The following PLPP7 variants were observed in gnomAD, a reference collection of about 807,000 sequenced individuals.
PLPP7 encodes the protein inactive phospholipid phosphatase 7.
A neutral mutation model predicts 16.9 loss-of-function variants in PLPP7; 11 were observed. The observed-to-expected ratio is 0.65, with a 90% confidence interval of 0.41 to 1.08. PLPP7 has a LOEUF of 1.08. Among genes scored for constraint, PLPP7 ranks in the 50% least tolerant of loss-of-function variants. The pLI is 0.00. For missense variants in PLPP7, 358 were observed against 397.1 expected, an observed-to-expected ratio of 0.90 and a Z score of 0.84; for synonymous variants, 174 against 175.1, an observed-to-expected ratio of 0.99 and a Z score of 0.05.
At chr9:131,304,515 G>A (rs1835832669) in intron 1 of PLPP7, among the ~76,000 whole-genome samples, 1 of 152,154 alleles carries the variant, frequency 6.6e-6, no homozygotes, top group African/African-American at 2.4e-5. Flanking sequence ...GGTACCTGTT[G>A]TCCTGGCTAC....
At chr9:131,307,689 C>T (rs541842610) in intron 1 of PLPP7, among the ~76,000 whole-genome samples, 3 of 151,612 alleles carry the variant, frequency 2.0e-5, no homozygotes, top group South Asian at 2.1e-4. Context: ...TTACAAACAG[C>T]GTGGTCAGGG....
chr9:131,307,008 G>A (rs1835860514), intron 1 of PLPP7, among the ~76,000 whole-genome samples: 1 of 152,124 alleles, frequency 6.6e-6, no homozygotes, highest in Admixed American at 6.6e-5. Flanking sequence ...ACTTGGGGAG[G>A]CTGAGGCGGG....
chr9:131,293,069 G>A (rs1400220727), intron 1 of PLPP7: 1 of 646,004 alleles, frequency 1.5e-6, no homozygotes, highest in Admixed American at 6.3e-5. Flanking sequence ...AGCTGTCGAT[G>A]ACCTTTCAAG....
At chr9:131,307,184 T>C (rs1835862746) in intron 1 of PLPP7, among the ~76,000 whole-genome samples, 1 of 149,658 alleles carries the variant, frequency 6.7e-6, no homozygotes, top group South Asian at 2.1e-4. Flanking sequence ...AGGTGGAGGT[T>C]GCAGTGAGCC....
Position 131,308,179 on chromosome 9 carries a change from CG to C in PLPP7, c.709del (p.Val237SerfsTer128), listed in dbSNP as rs753840604. The C allele has an allele frequency of 6.2e-7, 1 of 1,600,182 alleles. No individual in the cohort carries two copies. Among genetic ancestry groups the C allele is most frequent in the Non-Finnish European group, 8.5e-7 (1 of 1,179,826 alleles). On this transcript the variant is annotated frameshift_variant, in exon 2 of 2. Coordinates refer to ENST00000372264, the MANE Select transcript of PLPP7 (RefSeq NM_032728.4). LOFTEE classifies it high-confidence loss of function. ...LSRVMIGRHH[V>X]TDVLSGFVIG... ...CCCGCGTGATGATCGGCCGCCACCA[CG>C]TCACGGACGTCCTCTCCGGCTTTGT...
At chr9:131,302,881 T>A (rs541631456) in intron 1 of PLPP7, among the ~76,000 whole-genome samples, 8 of 152,270 alleles carry the variant, frequency 5.3e-5, no homozygotes, top group Middle Eastern at 6.8e-3. Context: ...GAGGACTGCG[T>A]GATCTGGAAC....
chr9:131,290,425 A>G lies in PLPP7; in HGVS notation c.428A>G (p.Glu143Gly). The change falls in exon 1 of 2, where the codon GAG (glutamate) becomes GGG (glycine). Residue 143 changes from glutamate to glycine, a missense_variant. Transcript: ENST00000372264. This position sits in a 1 kb window ranked among gnomAD's most constrained non-coding sequence, Gnocchi z 4.2. ...AAGAGCAGCACACTGGCCGGCCAGGAGGTGCTCATGAATCTGCTCCTGGGT... is the reference window on the plus strand; with the variant it reads ...AAGAGCAGCACACTGGCCGGCCAGGGGGTGCTCATGAATCTGCTCCTGGGT... Reference protein sequence around the residue: ...LVKSSTLAGQEVLMNLLLALL... With the variant: ...LVKSSTLAGQGVLMNLLLALL... 1 of 1,541,764 alleles carries G rather than the reference A, an allele frequency of 6.5e-7. No individual in the cohort carries two copies. Among genetic ancestry groups the G allele is most frequent in the Non-Finnish European group, 8.7e-7 (1 of 1,143,334 alleles).
chr9:131,307,274 G>A (rs771096370), intron 1 of PLPP7, among the ~76,000 whole-genome samples: 4 of 149,548 alleles, frequency 2.7e-5, no homozygotes, highest in Admixed American at 6.7e-5. Context: ...AAAAAGGGCC[G>A]GGCGCAGTGG....
At chr9:131,307,753 G>A (rs1054754212) in intron 1 of PLPP7, among the ~76,000 whole-genome samples, 170 bp from the exon 2 acceptor site, 1 of 152,124 alleles carries the variant, frequency 6.6e-6, no homozygotes, top group Non-Finnish European at 1.5e-5. Context: ...TGCCGGGCAG[G>A]GGAGACAGCA....
Position 131,297,299 on chromosome 9 carries a change from G to A in PLPP7, c.451+6851G>A, listed in dbSNP as rs149103573. On this transcript the variant is annotated intron_variant, in intron 1 of 1. Transcript: ENST00000372264. ...GTGCTCAGCAGAGTGAATAACCAGC[G>A]CCATCAGTCTTTCTATTGATGATCC... 2.3e-3 allele frequency among the ~76,000 whole-genome samples: 344 copies of A among 152,264 alleles called. 3 individuals carry two copies. Among genetic ancestry groups the A allele is most frequent in the Non-Finnish European group, 3.7e-3 (249 of 68,022 alleles).
chr9:131,290,261 C>T lies in PLPP7; in HGVS notation c.264C>T (p.Ile88=), dbSNP rs767643653. Residue 88 remains isoleucine (I), a synonymous_variant, in exon 1 of 2, where the codon ATC becomes ATT. Transcript: ENST00000372264. This position sits in a 1 kb window ranked among gnomAD's most constrained non-coding sequence, Gnocchi z 4.2. ...TCGCCTTCAACTCCCTGCTGGCCATCGATATCTGTATGTCCAAGCGGCTGG... is the reference window on the plus strand; with the variant it reads ...TCGCCTTCAACTCCCTGCTGGCCATTGATATCTGTATGTCCAAGCGGCTGG... The part of the protein sequence containing the change: ...KGIAFNSLLA[I]DICMSKRLGV... The T allele has an allele frequency of 2.9e-5, 46 of 1,611,974 alleles. No homozygotes were observed. The highest frequency in any genetic ancestry group is 2.2e-4 in the Admixed American group (13 of 59,922).
Position 131,308,116 on chromosome 9 carries a change from T to C in PLPP7, c.645T>C (p.Arg215=), listed in dbSNP as rs2986606. ...LSHLVLAVPL[R]VLLVLWALCV... ...ACCTGGTGCTGGCGGTGCCCCTGCG[T>C]GTGCTGCTGGTGCTCTGGGCCCTCT... Residue 215 remains arginine (R), a synonymous_variant, in exon 2 of 2, where the codon CGT becomes CGC. Transcript: ENST00000372264. The C allele has an allele frequency of 0.72, 1,158,774 of 1,600,822 alleles. 422,875 individuals are homozygous for C. The highest frequency in any genetic ancestry group is 0.77 in the Middle Eastern group (4,692 of 6,062).
chr9:131,297,616 G>A lies in PLPP7; in HGVS notation c.451+7168G>A, dbSNP rs538322085. 5.7e-4 allele frequency among the ~76,000 whole-genome samples: 86 copies of A among 152,208 alleles called. 1 individual carries two copies. The highest frequency in any genetic ancestry group is 1.7e-3 in the African/African-American group (69 of 41,520). ...GGCCAGGCTGGTCTCGAACTCCTGA[G>A]CTCAAGCTATCCGCCTGCCACCGCC... On this transcript the variant is annotated intron_variant, in intron 1 of 1. Coordinates refer to ENST00000372264, the MANE Select transcript of PLPP7 (RefSeq NM_032728.4).
chr9:131,296,687 C>T (rs568782420), intron 1 of PLPP7, among the ~76,000 whole-genome samples: 54 of 152,296 alleles, frequency 3.5e-4, no homozygotes, highest in African/African-American at 1.1e-3. Context: ...GATTTTTCCC[C>T]GTGCGAATGC....
At chr9:131,302,894 TCTAA>T (rs1835813879) in intron 1 of PLPP7, among the ~76,000 whole-genome samples, 1 of 152,138 alleles carries the variant, frequency 6.6e-6, no homozygotes, top group South Asian at 2.1e-4. Flanking sequence ...TCTGGAACAG[TCTAA>T]CTGCCTGGCA....
chr9:131,306,241 A>C (rs1290167524), intron 1 of PLPP7, among the ~76,000 whole-genome samples: 1 of 149,718 alleles, frequency 6.7e-6, no homozygotes, highest in Non-Finnish European at 1.5e-5. Context: ...TGTCTCAAAA[A>C]AATCAAATAA....
rs1016233060 is a variant in PLPP7 at position 131,307,962 on chromosome 9, A to G, written c.491A>G (p.Lys164Arg). The G allele has an allele frequency of 6.3e-7, 1 of 1,597,896 alleles. No homozygotes were observed. The highest frequency in any genetic ancestry group is 2.2e-5 in the East Asian group (1 of 44,810). ...LDIMTVAGVQKLIKRRGPYET... is the reference protein window; with the variant it reads ...LDIMTVAGVQRLIKRRGPYET... The stretch of plus-strand genomic sequence containing the variant: ...ATCATGACGGTGGCCGGCGTGCAGA[A>G]GCTCATCAAGCGGCGCGGCCCGTAC... Residue 164 changes from lysine (K) to arginine (R), a missense_variant, in exon 2 of 2, where the codon AAG becomes AGG. Coordinates refer to ENST00000372264, the MANE Select transcript of PLPP7 (RefSeq NM_032728.4).
At chr9:131,292,717 G>GGT in intron 1 of PLPP7, 2 of 848,336 alleles carry the variant, frequency 2.4e-6, no homozygotes, top group Non-Finnish European at 2.8e-6. Flanking sequence ...AGCTCCCCGT[G>GGT]GTAGGAGGTA....
chr9:131,304,833 C>T (rs1835836887), intron 1 of PLPP7, among the ~76,000 whole-genome samples: 1 of 152,230 alleles, frequency 6.6e-6, no homozygotes, highest in Admixed American at 6.5e-5. Context: ...CACCTCCCAA[C>T]AGATGCCTCA....
Sources: gnomAD v4.1 joint callset for allele counts (sites outside exome capture counted in the v4.1 genomes callset) on GRCh38, gnomAD v4.1.1 for gene constraint, Gnocchi (gnomAD v3.1) non-coding constraint, MANE v1.5 for transcripts, NCBI Gene and HGNC (gene_info 2026-07-23, HGNC 2026-07-21) for gene names.